TRRAP: variants seen among roughly 807,000 people sequenced by gnomAD.
The protein encoded by TRRAP is transformation/transcription domain-associated protein.
TRRAP carries 41 observed loss-of-function variants against 438.8 expected under a neutral mutation model. The ratio of observed to expected loss-of-function variants is 0.09; its 90% confidence interval spans 0.07 to 0.12. The LOEUF is 0.12. Among genes scored for constraint, TRRAP ranks in the 10% least tolerant of loss-of-function variants. The pLI is 1.00. For missense variants in TRRAP, 3,122 were observed against 5,055.1 expected (o/e 0.62, Z 11.60); for synonymous variants, 1,994 against 1,962.9 (o/e 1.02, Z -0.42).
rs530360567 is a variant in TRRAP at position 98,985,053 on chromosome 7, G to A, written c.9389+9G>A. On this transcript the variant is annotated intron_variant, in intron 62 of 72. Coordinates refer to ENST00000456197, the MANE Select transcript of TRRAP (RefSeq NM_001375524.1). ...TTGGCTCAGATCAACAAGTATGTAT[G>A]TTATATTGAAAGGATAAGAGAAAAA... 12 of 1,574,048 alleles carry A rather than the reference G, an allele frequency of 7.6e-6. No individual in the cohort carries two copies. In the African/African-American group the frequency reaches 1.5e-4, roughly 20 times the overall value.
rs1562982383 is a variant in TRRAP, at chr7:99,005,673, A to G, written c.10753+325A>G. 6.6e-6 allele frequency among the ~76,000 whole-genome samples: 1 copy of G among 151,170 alleles called. No individual in the cohort carries two copies. The highest frequency in any genetic ancestry group is 1.9e-4 in the East Asian group (1 of 5,146). ...GTCAACTTTCTTAGGACATTATGAG[A>G]TTTCTTTTTCTTTTTTTTTTTCTTT... On this transcript the variant is annotated intron_variant, in intron 69 of 72. Coordinates refer to ENST00000456197, the MANE Select transcript of TRRAP (RefSeq NM_001375524.1). This position sits in a 1 kb window ranked among gnomAD's most constrained non-coding sequence, Gnocchi z 5.1.
At chr7:98,970,358 A>G in intron 52 of TRRAP, 67 bp downstream of exon 52, 1 of 1,561,780 alleles carries the variant, frequency 6.4e-7, no homozygotes, top group Non-Finnish European at 8.6e-7. Context: ...CACGGGCAGA[A>G]TCCCAGAGAG....
At chr7:98,888,265 G>T (rs1554404267) in intron 3 of TRRAP, among the ~76,000 whole-genome samples, 2 of 150,610 alleles carry the variant, frequency 1.3e-5, no homozygotes, top group Admixed American at 1.3e-4. Flanking sequence ...GTCCAGATGT[G>T]GCGGCTCATG....
chr7:98,954,026 T>C (rs1358127890), intron 40 of TRRAP, among the ~76,000 whole-genome samples: 3 of 152,236 alleles, frequency 2.0e-5, no homozygotes, highest in Non-Finnish European at 4.4e-5. Context: ...GCAGATGTTA[T>C]AATATTCAAG....
chr7:98,948,268 G>T lies in TRRAP; in HGVS notation c.4596G>T (p.Pro1532=). The T allele has an allele frequency of 3.7e-6, 6 of 1,614,106 alleles. No individual in the cohort carries two copies. Among genetic ancestry groups the T allele is most frequent in the African/African-American group, 1.3e-5 (1 of 75,010 alleles). The stretch of plus-strand genomic sequence containing the variant: ...TTATAAACCTTTTTCATCTGATCCC[G>T]GCTGCTCCTCAGACACTGGTGAAGC... The part of the protein sequence containing the change: ...SAIINLFHLI[P]AAPQTLVKPL... Residue 1532 remains proline (P), a synonymous_variant, in exon 34 of 73, where the codon CCG becomes CCT. Transcript: ENST00000456197. The surrounding 1 kb of genome is among the most constrained non-coding windows in gnomAD (Gnocchi z 4.9).
At position 99,005,773 on chromosome 7, in the gene TRRAP, G is replaced by T. The variant is rs1023687165; in HGVS notation, c.10753+425G>T. Among the ~76,000 whole-genome samples the T allele has an allele frequency of 5.3e-5, 8 of 151,890 alleles. No homozygotes were observed. Among genetic ancestry groups the T allele is most frequent in the African/African-American group, 1.9e-4 (8 of 41,340 alleles). On this transcript the variant is annotated intron_variant, in intron 69 of 72. Transcript: ENST00000456197. The surrounding 1 kb of genome is among the most constrained non-coding windows in gnomAD (Gnocchi z 5.1). ...AATTCTTCCAATGTGGCCCAGGGAA[G>T]CCAAAAGATTGGACATCCCTGTTCT...
intron 27 of TRRAP, among the ~76,000 whole-genome samples, chr7:98,935,295 G>GA (rs532816242): frequency 1.5e-4 from 23 of 150,924 alleles, no homozygotes; most frequent in Admixed American, 7.3e-4. Context: ...GTTTTGAGGA[G>GA]AAAAAAAAAC....
chr7:98,978,270 C>T lies in TRRAP; in HGVS notation c.8445C>T (p.Asn2815=), dbSNP rs576144006. The T allele has an allele frequency of 2.0e-5, 32 of 1,614,132 alleles. No homozygotes were observed. Among genetic ancestry groups the T allele is most frequent in the Admixed American group, 8.3e-5 (5 of 60,016 alleles). ...CCAAAAAAGAACATGAGAGGAGTAA[C>T]GCCTCCCCTGCTATTTTCCCTGAAT... ...DKAKKEHERS[N]ASPAIFPEYQ... The change falls in exon 57 of 73, where the codon AAC becomes AAT. Residue 2815 remains asparagine, a synonymous_variant. Transcript: ENST00000456197.
chr7:98,904,258 C>T (rs1796612264), intron 12 of TRRAP, among the ~76,000 whole-genome samples: 1 of 151,860 alleles, frequency 6.6e-6, no homozygotes, highest in African/African-American at 2.4e-5. Context: ...CCGAGGCGAG[C>T]GGATCACGAG....
chr7:98,894,059 A>G (rs1239604991), intron 6 of TRRAP, among the ~76,000 whole-genome samples, 178 bp downstream of exon 6: 2 of 152,206 alleles, frequency 1.3e-5, no homozygotes, highest in African/African-American at 4.8e-5. Context: ...GTTATTATCA[A>G]TACTTTGCTA....
chr7:98,946,456 GCGTGCACACAGACCACA>G (rs1791064237), intron 33 of TRRAP, among the ~76,000 whole-genome samples: 1 of 131,614 alleles, frequency 7.6e-6, no homozygotes, highest in African/African-American at 3.0e-5. Flanking sequence ...CTCACAACAC[GCGTGCACACAGACCACA>G]CGTGCACTCA....
chr7:98,994,481 A>C lies in TRRAP; in HGVS notation c.10048-106A>C. ...GTGTGTGGGTCCTGCCGGGGAGTGC[A>C]GAGATGACCCTGGGCTGGGAGGGCC... On this transcript the variant is annotated intron_variant, in intron 66 of 72. Transcript: ENST00000456197. This position sits in a 1 kb window ranked among gnomAD's most constrained non-coding sequence, Gnocchi z 4.8. 6 of 1,503,314 alleles carry C rather than the reference A, an allele frequency of 4.0e-6. No individual in the cohort carries two copies. The highest frequency in any genetic ancestry group is 1.3e-5 in the South Asian group (1 of 79,554). The allele number at this position is 1,503,314 out of a possible 1,614,324, so 93.1% of individuals were successfully genotyped here. A position where few individuals can be genotyped will look rare whatever the true frequency, so the allele number is the denominator to read the frequency against.
chr7:98,937,295 C>T lies in TRRAP; in HGVS notation c.4233+18C>T, dbSNP rs372133978. 925 of 1,604,720 alleles carry T rather than the reference C, an allele frequency of 5.8e-4. No individual in the cohort carries two copies. The highest frequency in any genetic ancestry group is 7.2e-4 in the Non-Finnish European group (849 of 1,176,524). On this transcript the variant is annotated intron_variant, in intron 29 of 72. Coordinates refer to ENST00000456197, the MANE Select transcript of TRRAP (RefSeq NM_001375524.1). Reference sequence around the variant, plus strand: ...TGAGAAAGGTGAGTGTGTGTGCGTGCGTGTATGCGCACGCGTGTGTGCACA... The same window carrying T: ...TGAGAAAGGTGAGTGTGTGTGCGTGTGTGTATGCGCACGCGTGTGTGCACA...
In TRRAP at chr7:98,994,841, C is replaced by T; in HGVS notation, c.10302C>T (p.Phe3434=). 2 of 1,610,102 alleles carry T rather than the reference C, an allele frequency of 1.2e-6. No homozygotes were observed. Among genetic ancestry groups the T allele is most frequent in the Non-Finnish European group, 1.7e-6 (2 of 1,176,514 alleles). The change falls in exon 67 of 73, where the codon TTC becomes TTT. Residue 3434 remains phenylalanine, a synonymous_variant. Transcript: ENST00000456197. The surrounding 1 kb of genome is among the most constrained non-coding windows in gnomAD (Gnocchi z 4.8). ...TCTTTCAGAAGCTGAAAGGCCAGTT[C>T]ACGACGGGTGAGTCTCCATTTTCCT... ...DPVFQKLKGQ[F]TTDFDFSVPG...
At chr7:98,924,868 G>A (rs1176775031) in intron 21 of TRRAP, among the ~76,000 whole-genome samples, 1 of 151,318 alleles carries the variant, frequency 6.6e-6, no homozygotes, top group East Asian at 1.9e-4. Context: ...GCTGGGCGTG[G>A]TGGCGGGCAC....
chr7:98,898,894 T>A (rs929622259), intron 8 of TRRAP, among the ~76,000 whole-genome samples: 6 of 152,200 alleles, frequency 3.9e-5, no homozygotes, highest in Non-Finnish European at 8.8e-5. Context: ...TAGAAAAATA[T>A]GCAAACCTTT....
intron 3 of TRRAP, among the ~76,000 whole-genome samples, chr7:98,889,978 T>C (rs1795893928): frequency 6.6e-6 from 1 of 152,214 alleles, no homozygotes; most frequent in Non-Finnish European, 1.5e-5. Context: ...ATTGGTTTGC[T>C]CAGGCTCTTT....
At position 98,881,499 on chromosome 7, in the gene TRRAP, G is replaced by C. The variant is rs187106309; in HGVS notation, c.100+249G>C. Among the ~76,000 whole-genome samples, 130 of 151,222 alleles carry C rather than the reference G, an allele frequency of 8.6e-4. 3 individuals carry two copies. In the East Asian group the frequency reaches 0.023, roughly 27 times the overall value. ...AGGCAGGAGGATCGCTTGAACCCAG[G>C]AGGCAGAGGTTGCAGTGAGCTGAGA... On this transcript the variant is annotated intron_variant, in intron 2 of 72. Coordinates refer to ENST00000456197, the MANE Select transcript of TRRAP (RefSeq NM_001375524.1).
intron 52 of TRRAP, among the ~76,000 whole-genome samples, chr7:98,971,566 G>A (rs527632907): frequency 6.6e-6 from 1 of 152,346 alleles, no homozygotes; most frequent in South Asian, 2.1e-4. Context: ...AAACCCAAAT[G>A]TGAAAGCACA....
Sources: gnomAD v4.1 joint callset for allele counts (sites outside exome capture counted in the v4.1 genomes callset) on GRCh38, gnomAD v4.1.1 for gene constraint, Gnocchi (gnomAD v3.1) non-coding constraint, MANE v1.5 for transcripts, NCBI Gene and HGNC (gene_info 2026-07-23, HGNC 2026-07-21) for gene names.